Variants in LARGE1 observed in about 807,000 individuals in gnomAD.
LARGE1 encodes the protein xylosyl- and glucuronyltransferase LARGE1.
A neutral mutation model predicts 87.6 loss-of-function variants in LARGE1; 43 were observed. That is an observed-to-expected ratio of 0.49 (90% confidence interval 0.38 to 0.63). The LOEUF is 0.63. Ranked by LOEUF, LARGE1 falls within the 30% of genes least tolerant of loss-of-function variation. LARGE1 has a pLI of 0.00. For synonymous variants in LARGE1, 434 were observed against 394.6 expected, an observed-to-expected ratio of 1.10 and a Z score of -1.18; for missense variants, 802 against 1,000.2, an observed-to-expected ratio of 0.80 and a Z score of 2.67.
intron 6 of LARGE1, among the ~76,000 whole-genome samples, chr22:33,478,447 G>A (rs374593972): frequency 9.9e-5 from 15 of 152,188 alleles, no homozygotes; most frequent in Non-Finnish European, 1.6e-4. Flanking sequence ...AAACAACACC[G>A]CATTGCAAAG....
intron 2 of LARGE1, among the ~76,000 whole-genome samples, chr22:33,742,482 T>C (rs1418558998): frequency 6.6e-6 from 1 of 152,176 alleles, no homozygotes; most frequent in Non-Finnish European, 1.5e-5. Flanking sequence ...TTACTTGGCA[T>C]ACCAGCCCCT....
intron 4 of LARGE1, among the ~76,000 whole-genome samples, chr22:33,625,079 G>C (rs2079880091): frequency 6.6e-6 from 1 of 152,192 alleles, no homozygotes; most frequent in East Asian, 1.9e-4. Context: ...ATTTTACACT[G>C]ATCTCTGTTC....
the LARGE1 span, among the ~76,000 whole-genome samples, chr22:33,102,822 C>T: frequency 2.0e-5 from 3 of 152,110 alleles, no homozygotes; most frequent in African/African-American, 4.8e-5. Flanking sequence ...CCTGCACTCC[C>T]GGCCCTTTCC....
chr22:33,515,156 AGAAT>A (rs1307771671), intron 6 of LARGE1, among the ~76,000 whole-genome samples: 1 of 152,188 alleles, frequency 6.6e-6, no homozygotes, highest in Non-Finnish European at 1.5e-5. Flanking sequence ...ACAACAAAAA[AGAAT>A]GAATGCTGCA....
upstream of LARGE1, chr22:33,920,506 C>CG (rs1469770177): frequency 1.6e-4 from 23 of 144,460 alleles, no homozygotes; most frequent in South Asian, 4.2e-4. Context: ...CGCGGCGGCG[C>CG]GGGGGGGGCT....
rs569055243 is a variant in LARGE1 at position 33,571,874 on chromosome 22, CT to C, written c.616-6856del. Among the ~76,000 whole-genome samples, 138 of 152,258 alleles carry C rather than the reference CT, an allele frequency of 9.1e-4. 1 individual carries two copies. The highest frequency in any genetic ancestry group is 2.9e-3 in the African/African-American group (119 of 41,550). On this transcript the variant is annotated intron_variant, in intron 5 of 14. Transcript: ENST00000397394. ...CCTGGCTTATTCAATGTGCTCTTCACTCTTCTGATTTACTGCAGGGTCAGGA... is the reference window on the plus strand; with the variant it reads ...CCTGGCTTATTCAATGTGCTCTTCACCTTCTGATTTACTGCAGGGTCAGGA...
chr22:33,681,033 T>C (rs1000514207), intron 2 of LARGE1, among the ~76,000 whole-genome samples: 4 of 147,144 alleles, frequency 2.7e-5, no homozygotes, highest in African/African-American at 1.0e-4. Context: ...TTTTTTCTTG[T>C]TAATTTAAAA....
chr22:33,430,676 T>C (rs1473381069), intron 7 of LARGE1, among the ~76,000 whole-genome samples: 1 of 152,246 alleles, frequency 6.6e-6, no homozygotes, highest in African/African-American at 2.4e-5. Context: ...TGGCCGTCAA[T>C]ACAGGGCTCC....
intron 11 of LARGE1, among the ~76,000 whole-genome samples, chr22:33,181,858 T>C (rs1239813948): frequency 7.5e-6 from 1 of 133,540 alleles, no homozygotes; most frequent in Non-Finnish European, 1.6e-5. Context: ...TTACATGGAG[T>C]CTTGCTCTTT....
At position 33,843,110 on chromosome 22, in the gene LARGE1, C is replaced by T. The variant is rs182853829; in HGVS notation, c.-83+76885G>A. Among the ~76,000 whole-genome samples, 363 of 152,304 alleles carry T rather than the reference C, an allele frequency of 2.4e-3. 2 individuals carry two copies. Among genetic ancestry groups the T allele is most frequent in the Non-Finnish European group, 4.0e-3 (274 of 68,032 alleles). ...CCTCACAACCCAACCCAGGCTTTAT[C>T]TCTTCTGTGAAGCTGTCCTTGATTT... On this transcript the variant is annotated intron_variant, in intron 1 of 14. Coordinates refer to ENST00000397394, the MANE Select transcript of LARGE1 (RefSeq NM_133642.5).
At chr22:33,394,401 T>C (rs951567961) in intron 7 of LARGE1, among the ~76,000 whole-genome samples, 2 of 152,162 alleles carry the variant, frequency 1.3e-5, no homozygotes, top group African/African-American at 2.4e-5. Flanking sequence ...GGTTTCACCA[T>C]GTTGGCCAGG....
At chr22:33,919,411 A>C (rs1001757992) in intron 1 of LARGE1, among the ~76,000 whole-genome samples, 1 of 152,218 alleles carries the variant, frequency 6.6e-6, no homozygotes, top group Non-Finnish European at 1.5e-5. Flanking sequence ...ATAGCTATAC[A>C]CTGATCACTC....
At chr22:33,372,013 C>T (rs2064827404) in intron 9 of LARGE1, among the ~76,000 whole-genome samples, 1 of 150,620 alleles carries the variant, frequency 6.6e-6, no homozygotes, top group Admixed American at 6.6e-5. Context: ...ATAAAATAAA[C>T]ATTTGGAATA....
chr22:33,481,777 T>G (rs536233932), intron 6 of LARGE1, among the ~76,000 whole-genome samples: 1 of 152,296 alleles, frequency 6.6e-6, no homozygotes, highest in East Asian at 1.9e-4. Flanking sequence ...AACTGCCAAC[T>G]GAAACAGAGG....
chr22:33,166,267 G>A (rs975264334), exon 12 of LARGE1: 1 of 153,888 alleles, frequency 6.5e-6, no homozygotes, highest in African/African-American at 2.4e-5. Flanking sequence ...TGCCTTTGCA[G>A]TGAAGCTGAG....
chr22:33,793,310 A>C (rs1048447301), intron 1 of LARGE1, among the ~76,000 whole-genome samples: 3 of 152,294 alleles, frequency 2.0e-5, no homozygotes, highest in Admixed American at 6.5e-5. Context: ...CACATCTGAT[A>C]AAAGATACTA....
intron 1 of LARGE1, among the ~76,000 whole-genome samples, chr22:33,854,000 C>T (rs1467197184): frequency 6.6e-6 from 1 of 152,020 alleles, no homozygotes; most frequent in African/African-American, 2.4e-5. Flanking sequence ...CGTGGCCAGC[C>T]AGATGCCCAG....
chr22:33,288,019 G>GT (rs1931860686), intron 12 of LARGE1, among the ~76,000 whole-genome samples: 2 of 152,150 alleles, frequency 1.3e-5, no homozygotes, highest in African/African-American at 4.8e-5. Flanking sequence ...CACAGTGCTT[G>GT]TGGAAGGGCT....
chr22:33,425,891 C>T (rs191000251), intron 7 of LARGE1, among the ~76,000 whole-genome samples: 4 of 152,260 alleles, frequency 2.6e-5, no homozygotes, highest in Admixed American at 1.3e-4. Context: ...CACGTGCCAC[C>T]ATGACCGGCT....
Sources: gnomAD v4.1 joint callset for allele counts (sites outside exome capture counted in the v4.1 genomes callset) on GRCh38, gnomAD v4.1.1 for gene constraint, MANE v1.5 for transcripts, NCBI Gene and HGNC (gene_info 2026-07-23, HGNC 2026-07-21) for gene names.